The following WDR19 variants were observed in gnomAD, a reference collection of about 807,000 sequenced individuals.
The protein encoded by WDR19 is WD repeat domain 19.
A neutral mutation model predicts 180.0 loss-of-function variants in WDR19; 121 were observed. The ratio of observed to expected loss-of-function variants is 0.67; its 90% CI spans 0.58 to 0.78. WDR19 has a LOEUF of 0.78. WDR19 is among the 30% of genes least tolerant of loss of function. The pLI is 0.00. For missense variants in WDR19, 1,450 were observed against 1,640.7 expected, an observed-to-expected ratio of 0.88 and a Z score of 2.01; for synonymous variants, 497 against 540.7, an observed-to-expected ratio of 0.92 and a Z score of 1.12.
chr4:39,284,272 A>G (rs1224806252), intron 36 of WDR19, among the ~76,000 whole-genome samples: 1 of 150,324 alleles, frequency 6.7e-6, no homozygotes, highest in East Asian at 1.9e-4. Context: ...TTCATATTGG[A>G]TAATTAGTTT....
At chr4:39,218,311 T>C in intron 14 of WDR19, 1 of 660,318 alleles carries the variant, frequency 1.5e-6, no homozygotes, top group Non-Finnish European at 2.5e-6. Flanking sequence ...AATTTCATCA[T>C]TGTGTGGATG....
chr4:39,214,664 A>G lies in WDR19; in HGVS notation c.954A>G (p.Glu318=). Residue 318 remains glutamate (E), a synonymous_variant, in exon 10 of 37, where the codon GAA becomes GAG. Coordinates refer to ENST00000399820, the MANE Select transcript of WDR19 (RefSeq NM_025132.4). ...DMYVILNLDE[E]NKGLGTLSWT... is the part of the protein sequence containing the mutation. ...ATGTTATACTCAACCTGGATGAGGA[A>G]AATAAAGGTATTGATTTTTCTGAAG... 6.4e-7 allele frequency: 1 copy of G among 1,574,282 alleles called. No individual in the cohort carries two copies. Among genetic ancestry groups the G allele is most frequent in the Non-Finnish European group, 8.7e-7 (1 of 1,150,060 alleles).
intron 28 of WDR19, among the ~76,000 whole-genome samples, chr4:39,265,831 T>C (rs943949344): frequency 1.3e-5 from 2 of 149,268 alleles, no homozygotes; most frequent in Non-Finnish European, 3.0e-5. Flanking sequence ...AAAGAAAATA[T>C]GGTATTTTGA....
chr4:39,257,129 G>A (rs561805236), intron 27 of WDR19, among the ~76,000 whole-genome samples: 12 of 152,082 alleles, frequency 7.9e-5, no homozygotes, highest in Non-Finnish European at 1.5e-4. Context: ...TACCATTCCT[G>A]GTATTCTCCA....
chr4:39,235,171 G>C (rs1408501708), intron 20 of WDR19, among the ~76,000 whole-genome samples: 1 of 151,964 alleles, frequency 6.6e-6, no homozygotes, highest in African/African-American at 2.4e-5. Context: ...CTGTTACCCA[G>C]GCTGGAGTGC....
chr4:39,283,223 C>A (rs1268081663), intron 36 of WDR19, among the ~76,000 whole-genome samples: 1 of 151,978 alleles, frequency 6.6e-6, no homozygotes, highest in Non-Finnish European at 1.5e-5. Flanking sequence ...CTCTTTAATC[C>A]ATTTATATGG....
At chr4:39,272,640 C>G (rs1346216387) in intron 31 of WDR19, among the ~76,000 whole-genome samples, 1 of 152,226 alleles carries the variant, frequency 6.6e-6, no homozygotes, top group Admixed American at 6.5e-5. Flanking sequence ...CTCTCTCTAC[C>G]TGATTCCTGA....
intron 4 of WDR19, among the ~76,000 whole-genome samples, chr4:39,191,154 CTGTTGA>C (rs1560475776): frequency 2.0e-5 from 3 of 152,164 alleles, no homozygotes; most frequent in Admixed American, 6.5e-5. Flanking sequence ...GGTTGCTTTA[CTGTTGA>C]TGTTTATATT....
intron 18 of WDR19, 24 bp downstream of exon 18, chr4:39,231,980 T>C: frequency 1.3e-6 from 2 of 1,597,580 alleles, no homozygotes; most frequent in Non-Finnish European, 8.6e-7. Context: ...TATAGAATTA[T>C]CAAGTTAAAA....
rs769329045 is a variant in WDR19 at position 39,268,016 on chromosome 4, T to C, written c.3283T>C (p.Leu1095=). 91 of 1,605,176 alleles carry C rather than the reference T, an allele frequency of 5.7e-5. No homozygotes were observed. The highest frequency in any genetic ancestry group is 7.1e-5 in the Non-Finnish European group (83 of 1,175,774). ...MPKDAKYLFR[L]YMALKQYREA... is the part of the protein sequence containing the mutation. ...TCAGGATGCCAAGTACCTGTTCCGC[T>C]TGTACATGGCTCTGAAGCAATACCG... Residue 1095 remains leucine (L), a synonymous_variant, in exon 30 of 37, where the codon TTG becomes CTG. Coordinates refer to ENST00000399820, the MANE Select transcript of WDR19 (RefSeq NM_025132.4).
intron 20 of WDR19, chr4:39,237,622 T>C (rs1560524383): frequency 6.6e-6 from 1 of 152,230 alleles, no homozygotes; most frequent in Non-Finnish European, 1.5e-5. Context: ...AATTTTCTAT[T>C]CTACAGATTA....
chr4:39,235,421 C>T (rs1156788264), intron 20 of WDR19, among the ~76,000 whole-genome samples: 1 of 152,150 alleles, frequency 6.6e-6, no homozygotes, highest in African/African-American at 2.4e-5. Context: ...TGAGCCACTA[C>T]GCCCAGCCTA....
chr4:39,271,650 T>C (rs1182535418), intron 31 of WDR19, among the ~76,000 whole-genome samples: 1 of 152,236 alleles, frequency 6.6e-6, no homozygotes, highest in Non-Finnish European at 1.5e-5. Flanking sequence ...TCTGTAAAGA[T>C]ACAGGCAGAC....
At chr4:39,191,194 A>G (rs943519559) in intron 4 of WDR19, among the ~76,000 whole-genome samples, 1 of 152,252 alleles carries the variant, frequency 6.6e-6, no homozygotes, top group African/African-American at 2.4e-5. Context: ...ACTTTTGTAT[A>G]TACAAAAGCA....
At chr4:39,218,786 CACAA>C (rs1451010838) in intron 14 of WDR19, 1 of 152,256 alleles carries the variant, frequency 6.6e-6, no homozygotes, top group Non-Finnish European at 1.5e-5. Context: ...TAGCTTAAAA[CACAA>C]ACACATTGTA....
At chr4:39,247,433 TA>T (rs1280386377) in intron 24 of WDR19, among the ~76,000 whole-genome samples, 1 of 152,024 alleles carries the variant, frequency 6.6e-6, no homozygotes, top group Non-Finnish European at 1.5e-5. Context: ...CCGGAAACTC[TA>T]AAAATCAGAG....
At chr4:39,264,318 C>G (rs912257350) in intron 28 of WDR19, among the ~76,000 whole-genome samples, 1 of 152,192 alleles carries the variant, frequency 6.6e-6, no homozygotes, top group African/African-American at 2.4e-5. Context: ...CAGAAGCCAT[C>G]AAGAGAACAA....
intron 6 of WDR19, among the ~76,000 whole-genome samples, chr4:39,202,956 C>G (rs1028937993): frequency 2.0e-5 from 3 of 151,998 alleles, no homozygotes; most frequent in African/African-American, 7.2e-5. Context: ...TCCAAAACTG[C>G]AGGGATAGTA....
At chr4:39,277,433 T>G (rs553422166) in intron 34 of WDR19, among the ~76,000 whole-genome samples, 49 of 152,294 alleles carry the variant, frequency 3.2e-4, no homozygotes, top group African/African-American at 1.2e-3. Flanking sequence ...AACCACAGAT[T>G]GACGAGCTAC....
Sources: gnomAD v4.1 joint callset for allele counts (sites outside exome capture counted in the v4.1 genomes callset) on GRCh38, gnomAD v4.1.1 for gene constraint, MANE v1.5 for transcripts, NCBI Gene and HGNC (gene_info 2026-07-23, HGNC 2026-07-21) for gene names.